The following P2RX7 variants were observed in gnomAD, a reference collection of about 807,000 sequenced individuals.
The protein encoded by P2RX7 is P2X purinoceptor 7.
A neutral mutation model predicts 71.6 loss-of-function variants in P2RX7; 62 were observed. That is an observed-to-expected ratio of 0.87 (90% CI 0.71 to 1.07). The LOEUF is 1.07. Among genes scored for constraint, P2RX7 ranks in the 50% least tolerant of loss-of-function variants. The pLI, the probability that P2RX7 is intolerant of heterozygous loss-of-function variation, is 0.00. For synonymous variants in P2RX7, 299 were observed against 283.3 expected, an observed-to-expected ratio of 1.06 and a Z score of -0.56; for missense variants, 686 against 748.5, an observed-to-expected ratio of 0.92 and a Z score of 0.97.
In P2RX7 at chr12:121,154,767, C is replaced by A; in HGVS notation, c.126-18C>A. On this transcript the variant is annotated intron_variant, in intron 1 of 12. Coordinates refer to ENST00000328963, the MANE Select transcript of P2RX7 (RefSeq NM_002562.6). This position sits in a 1 kb window ranked among gnomAD's most constrained non-coding sequence, Gnocchi z 4.2. ...GTGCTATGCCTCCCGTTGATGCTTT[C>A]CCATGTCTGCCATTTAGCTTTGCTC... 1 of 1,565,462 alleles carries A rather than the reference C, an allele frequency of 6.4e-7. No individual in the cohort carries two copies. The highest frequency in any genetic ancestry group is 1.3e-5 in the African/African-American group (1 of 74,110).
In P2RX7 at chr12:121,159,981, C is replaced by T. The variant is rs550720289; in HGVS notation, c.364-921C>T. Among the ~76,000 whole-genome samples, 11 of 152,336 alleles carry T rather than the reference C, an allele frequency of 7.2e-5. No homozygotes were observed. The South Asian group carries it at 1.2e-3, about 17-fold the overall frequency. ...TTTATTTGTATTGGGATATAATTCACATACCATAAACCCCACCATTTTAAA... is the reference window on the plus strand; with the variant it reads ...TTTATTTGTATTGGGATATAATTCATATACCATAAACCCCACCATTTTAAA... On this transcript the variant is annotated intron_variant, in intron 3 of 12. Coordinates refer to ENST00000328963, the MANE Select transcript of P2RX7 (RefSeq NM_002562.6).
intron 9 of P2RX7, among the ~76,000 whole-genome samples, chr12:121,176,424 T>C (rs73220272): frequency 0.064 from 9,721 of 152,178 alleles, 355 homozygotes; most frequent in Non-Finnish European, 0.087. Context: ...CAATAAGATA[T>C]AGCTGAGAGA....
chr12:121,147,094 TG>T (rs1029761198), intron 1 of P2RX7, among the ~76,000 whole-genome samples: 22 of 152,200 alleles, frequency 1.4e-4, no homozygotes, highest in African/African-American at 5.1e-4. Context: ...ATTAATTGTG[TG>T]GGTTTTTTTT....
At chr12:121,174,019 A>T (rs968288880) in intron 8 of P2RX7, among the ~76,000 whole-genome samples, 1 of 151,494 alleles carries the variant, frequency 6.6e-6, no homozygotes, top group African/African-American at 2.4e-5. Flanking sequence ...CATTTTTGAA[A>T]AAAACTTTTT....
At chr12:121,177,979 C>G (rs1329267776) in intron 11 of P2RX7, among the ~76,000 whole-genome samples, 1 of 152,056 alleles carries the variant, frequency 6.6e-6, no homozygotes, top group Non-Finnish European at 1.5e-5. Context: ...CGGCCTCCCA[C>G]AGTGCTGGGA....
At chr12:121,155,282 A>G (rs914072998) in intron 2 of P2RX7, 5 of 1,325,420 alleles carry the variant, frequency 3.8e-6, no homozygotes, top group Non-Finnish European at 4.9e-6. Flanking sequence ...GCCGAGATTC[A>G]GAAGGACAGA....
At position 121,132,943 on chromosome 12, in the gene P2RX7, G is replaced by C; in HGVS notation, c.-28G>C. Reference sequence around the variant, plus strand: ...TCAGGAAGAGTAGAGCTCTGGTCCAGCTCCGCGCAGGGAGGGAGGCTGTCA... The same window carrying C: ...TCAGGAAGAGTAGAGCTCTGGTCCACCTCCGCGCAGGGAGGGAGGCTGTCA... On this transcript the variant is annotated 5_prime_UTR_variant, in exon 1 of 13. Transcript: ENST00000328963. 6.2e-7 allele frequency: 1 copy of C among 1,612,732 alleles called. No individual in the cohort carries two copies. The highest frequency in any genetic ancestry group is 8.5e-7 in the Non-Finnish European group (1 of 1,179,962).
rs1878229199 is a variant in P2RX7, at chr12:121,154,858, G to T, written c.199G>T (p.Gly67Trp). The T allele has an allele frequency of 1.2e-6, 2 of 1,614,088 alleles. No homozygotes were observed. Among genetic ancestry groups the T allele is most frequent in the Non-Finnish European group, 1.7e-6 (2 of 1,180,040 alleles). Residue 67 changes from glycine (G) to tryptophan (W), a missense_variant, in exon 2 of 13, where the codon GGG (glycine) becomes TGG (tryptophan). By Grantham distance (184) the Gly-to-Trp change is radical. Transcript: ENST00000328963. This position sits in a 1 kb window ranked among gnomAD's most constrained non-coding sequence, Gnocchi z 4.2. ...CAGTTCTGTGCACACCAAGGTGAAG[G>T]GGATAGCAGAGGTGAAAGAGGAGAT... ...VISSVHTKVK[G>W]IAEVKEEIVE... is the part of the protein sequence containing the mutation.
At position 121,184,838 on chromosome 12, in the gene P2RX7, G is replaced by A. The variant is rs28969479; in HGVS notation, c.*36G>A. On this transcript the variant is annotated 3_prime_UTR_variant, in exon 13 of 13. Transcript: ENST00000328963. The stretch of plus-strand genomic sequence containing the variant: ...CGTGGCTCACGTCTGTAATCCCAGC[G>A]CTTTGGGAGGCCGAGGCAGGCAGAT... 0.01 allele frequency: 14,719 copies of A among 1,469,914 alleles called. 88 individuals carry two copies. Among genetic ancestry groups the A allele is most frequent in the Non-Finnish European group, 0.012 (12,666 of 1,094,388 alleles). The allele number at this position is 1,469,914 out of a possible 1,614,324, so 91.1% of individuals were successfully genotyped here.
In P2RX7 at chr12:121,160,978, C is replaced by A. The variant is rs780044922; in HGVS notation, c.436+4C>A. 6 of 1,611,284 alleles carry A rather than the reference C, an allele frequency of 3.7e-6. No homozygotes were observed. Among genetic ancestry groups the A allele is most frequent in the East Asian group, 4.5e-5 (2 of 44,882 alleles). Reference sequence around the variant, plus strand: ...TGGATGGACCCGCAGAGCAAAGGTACCTTCTGTTTCTTTTCCCGAGACCCT... The same window carrying A: ...TGGATGGACCCGCAGAGCAAAGGTAACTTCTGTTTCTTTTCCCGAGACCCT... On this transcript the variant is annotated splice_donor_region_variant and intron_variant, in intron 4 of 12. Coordinates refer to ENST00000328963, the MANE Select transcript of P2RX7 (RefSeq NM_002562.6).
At chr12:121,159,288 G>A (rs1391125414) in intron 3 of P2RX7, among the ~76,000 whole-genome samples, 4 of 151,842 alleles carry the variant, frequency 2.6e-5, no homozygotes, top group South Asian at 2.1e-4. Context: ...ATGGTGGTGC[G>A]TGCCTGTAAT....
chr12:121,146,162 A>G (rs1384295248), intron 1 of P2RX7, among the ~76,000 whole-genome samples: 1 of 151,044 alleles, frequency 6.6e-6, no homozygotes, highest in Non-Finnish European at 1.5e-5. Flanking sequence ...CGCTGCTACT[A>G]TGTCTGTCCT....
At position 121,154,884 on chromosome 12, in the gene P2RX7, C is replaced by T. The variant is rs145127272; in HGVS notation, c.225C>T (p.Ile75=). The T allele has an allele frequency of 1.1e-4, 180 of 1,614,120 alleles. 1 individual carries two copies. The highest frequency in any genetic ancestry group is 7.8e-4 in the Admixed American group (47 of 60,022). ...VKGIAEVKEE[I]VENGVKKLVH... Reference sequence around the variant, plus strand: ...GGATAGCAGAGGTGAAAGAGGAGATCGTGGAGAATGGAGTGAAGAAGTTGG... The same window carrying T: ...GGATAGCAGAGGTGAAAGAGGAGATTGTGGAGAATGGAGTGAAGAAGTTGG... The change falls in exon 2 of 13, where the codon ATC becomes ATT. Residue 75 remains isoleucine, a synonymous_variant. Transcript: ENST00000328963. This position sits in a 1 kb window ranked among gnomAD's most constrained non-coding sequence, Gnocchi z 4.2.
rs566867498 is a variant in P2RX7 at position 121,182,202 on chromosome 12, T to C, written c.1290+1747T>C. 2.0e-5 allele frequency among the ~76,000 whole-genome samples: 3 copies of C among 152,348 alleles called. No individual in the cohort carries two copies. The East Asian group carries it at 5.8e-4, about 29-fold the overall frequency. On this transcript the variant is annotated intron_variant, in intron 12 of 12. Coordinates refer to ENST00000328963, the MANE Select transcript of P2RX7 (RefSeq NM_002562.6). ...ATTCCTGAAGTAAACTCAATTTGAA[T>C]GTGTTGTACTATTCTTTGTATTTAT...
chr12:121,176,228 AACACACACACACACAC>A lies in P2RX7; in HGVS notation c.972+777_972+792del, dbSNP rs56222751. Among the ~76,000 whole-genome samples, 534 of 140,836 alleles carry A rather than the reference AACACACACACACACAC, an allele frequency of 3.8e-3. 6 individuals carry two copies. The highest frequency in any genetic ancestry group is 0.013 in the African/African-American group (504 of 37,726). 92.4% of individuals were successfully genotyped at this position (140,836 alleles called of 152,430 possible). On this transcript the variant is annotated intron_variant, in intron 9 of 12. Coordinates refer to ENST00000328963, the MANE Select transcript of P2RX7 (RefSeq NM_002562.6). ...GAGAGGCCAACACCCCAGCCCCTTC[AACACACACACACACAC>A]ACACACACACACACACACACACACA... is the stretch of plus-strand genomic sequence containing the variant.
chr12:121,133,163 G>C, intron 1 of P2RX7, 68 bp downstream of exon 1: 1 of 1,553,198 alleles, frequency 6.4e-7, no homozygotes, highest in Non-Finnish European at 8.9e-7. Flanking sequence ...CCAGCGGGCA[G>C]CTTCAGGTGC....
At chr12:121,179,419 G>A (rs1485050656) in intron 11 of P2RX7, among the ~76,000 whole-genome samples, 1 of 150,950 alleles carries the variant, frequency 6.6e-6, no homozygotes, top group East Asian at 2.0e-4. Context: ...AGAATCGCTT[G>A]AACCCAGGAG....
rs1883280400 is a variant in P2RX7 at position 121,177,093 on chromosome 12, A to G, written c.973-54A>G. 3 of 1,508,078 alleles carry G rather than the reference A, an allele frequency of 2.0e-6. No individual in the cohort carries two copies. The South Asian group carries it at 3.4e-5, about 17-fold the overall frequency. 93.4% of individuals were successfully genotyped at this position (1,508,078 alleles called of 1,614,324 possible). On this transcript the variant is annotated intron_variant, in intron 9 of 12. Transcript: ENST00000328963. ...AGAACCAACAATTGCACGTTGAAGC[A>G]AAAGAGCGTTGCTCTGAATTTCACC...
Position 121,162,398 on chromosome 12 carries a change from G to A in P2RX7, c.437-26G>A, listed in dbSNP as rs767092255. The stretch of plus-strand genomic sequence containing the variant: ...TCTCCGCAGTTCTTTCACATCTGTG[G>A]TTCTACGATGCTTTGACCCCTATAG... On this transcript the variant is annotated intron_variant, in intron 4 of 12. Transcript: ENST00000328963. 6 of 1,613,066 alleles carry A rather than the reference G, an allele frequency of 3.7e-6. No individual in the cohort carries two copies. The South Asian group carries it at 5.5e-5, about 15-fold the overall frequency.
Sources: gnomAD v4.1 joint callset for allele counts (sites outside exome capture counted in the v4.1 genomes callset) on GRCh38, gnomAD v4.1.1 for gene constraint, Gnocchi (gnomAD v3.1) non-coding constraint, MANE v1.5 for transcripts, NCBI Gene and HGNC (gene_info 2026-07-23, HGNC 2026-07-21) for gene names.